CDH13: variants seen among roughly 807,000 people sequenced by gnomAD.
The protein encoded by CDH13 is cadherin 13.
Under a neutral mutation model 63.8 loss-of-function variants are expected in CDH13, and 24 were observed. The observed-to-expected ratio is 0.38, with a 90% CI of 0.27 to 0.53. The LOEUF (loss-of-function observed/expected upper bound fraction) is 0.53. Among genes scored for constraint, CDH13 ranks in the 20% least tolerant of loss-of-function variants. The pLI is 0.85. For synonymous variants in CDH13, 503 were observed against 355.3 expected, an observed-to-expected ratio of 1.42 and a Z score of -4.67; for missense variants, 1,049 against 903.1, an observed-to-expected ratio of 1.16 and a Z score of -2.07.
intron 1 of CDH13, among the ~76,000 whole-genome samples, chr16:82,826,948 C>A (rs759605143): frequency 1.3e-5 from 2 of 152,146 alleles, no homozygotes; most frequent in African/African-American, 2.4e-5. Flanking sequence ...ACTAAGAATG[C>A]ACAATTGAGC....
At chr16:83,484,249 G>C (rs2073836842) in intron 6 of CDH13, among the ~76,000 whole-genome samples, 1 of 152,208 alleles carries the variant, frequency 6.6e-6, no homozygotes, top group Non-Finnish European at 1.5e-5. Flanking sequence ...ATTCTGGGTG[G>C]TGGTAAAACC....
intron 1 of CDH13, among the ~76,000 whole-genome samples, chr16:82,628,105 G>GC (rs1907571519): frequency 1.3e-5 from 2 of 152,244 alleles, no homozygotes; most frequent in Non-Finnish European, 2.9e-5. Context: ...CCGAGGCCAG[G>GC]CCTGGGGTGC....
At chr16:82,955,327 C>G (rs11150524) in intron 2 of CDH13, among the ~76,000 whole-genome samples, 44,799 of 152,144 alleles carry the variant, frequency 0.29, 7,500 homozygotes, top group East Asian at 0.69. Flanking sequence ...TCCAGAATTC[C>G]TAAAACATTC....
intron 7 of CDH13, among the ~76,000 whole-genome samples, chr16:83,555,007 G>T (rs2075575529): frequency 6.7e-6 from 1 of 149,206 alleles, no homozygotes; most frequent in Admixed American, 6.8e-5. Flanking sequence ...CACACAGACA[G>T]AACCCTGCGG....
At chr16:83,049,796 C>A (rs563981838) in intron 3 of CDH13, among the ~76,000 whole-genome samples, 1 of 152,162 alleles carries the variant, frequency 6.6e-6, no homozygotes. Flanking sequence ...ATGAACAACA[C>A]TGCTACCAAC....
intron 3 of CDH13, among the ~76,000 whole-genome samples, chr16:83,099,885 C>T (rs1050620314): frequency 2.0e-5 from 3 of 152,128 alleles, no homozygotes; most frequent in Non-Finnish European, 2.9e-5. Context: ...GTTATCGCTG[C>T]TGTTTTATGC....
intron 7 of CDH13, among the ~76,000 whole-genome samples, chr16:83,578,953 A>G (rs956308127): frequency 5.3e-5 from 8 of 152,228 alleles, no homozygotes; most frequent in Non-Finnish European, 1.2e-4. Flanking sequence ...AGCGGAGTCA[A>G]TCTTTGAACA....
intron 6 of CDH13, among the ~76,000 whole-genome samples, chr16:83,434,845 ATATGTGTGTGCG>A (rs71148835): frequency 0.22 from 17,520 of 80,520 alleles, 1,487 homozygotes; most frequent in Middle Eastern, 0.31. Context: ...AAATATATAT[ATATGTGTGTGCG>A]TGTGTGTGTG....
intron 1 of CDH13, among the ~76,000 whole-genome samples, chr16:82,712,213 C>G (rs1409547685): frequency 1.3e-5 from 2 of 152,124 alleles, no homozygotes; most frequent in Admixed American, 1.3e-4. Flanking sequence ...GTAACCCTCC[C>G]TTTATCAAAA....
At chr16:83,099,324 T>C (rs1461202280) in intron 3 of CDH13, among the ~76,000 whole-genome samples, 1 of 151,884 alleles carries the variant, frequency 6.6e-6, no homozygotes, top group Non-Finnish European at 1.5e-5. Context: ...ATAATCTTCA[T>C]TTTACACATT....
At chr16:83,173,271 C>G (rs986372057) in intron 4 of CDH13, among the ~76,000 whole-genome samples, 46 of 152,040 alleles carry the variant, frequency 3.0e-4, no homozygotes, top group African/African-American at 1.1e-3. Flanking sequence ...CTGGGGGTGA[C>G]ATTTAAACTA....
chr16:83,032,138 G>T lies in CDH13; in HGVS notation c.286G>T (p.Val96Phe), dbSNP rs200439811. The change falls in exon 3 of 14, where the codon GTC (valine) becomes TTC (phenylalanine). Residue 96 changes from valine to phenylalanine, a missense_variant. Coordinates refer to ENST00000567109, the MANE Select transcript of CDH13 (RefSeq NM_001257.5). ...NITAVGKTLFVHARTPHAEDM... is the reference protein window; with the variant it reads ...NITAVGKTLFFHARTPHAEDM... ...AACTGCAGTGGGCAAAACTCTGTTC[G>T]TCCATGCACGGACCCCCCATGCGGA... The T allele has an allele frequency of 1.7e-5, 27 of 1,613,480 alleles. No homozygotes were observed. The highest frequency in any genetic ancestry group is 2.7e-5 in the African/African-American group (2 of 74,910).
At chr16:83,336,270 C>T (rs1414386015) in intron 5 of CDH13, among the ~76,000 whole-genome samples, 2 of 140,060 alleles carry the variant, frequency 1.4e-5, no homozygotes, top group African/African-American at 2.7e-5. Flanking sequence ...CACTGTACTC[C>T]AGCATGGGTG....
chr16:83,789,617 G>T (rs1484672997), intron 13 of CDH13, among the ~76,000 whole-genome samples: 1 of 148,448 alleles, frequency 6.7e-6, no homozygotes, highest in East Asian at 1.9e-4. Flanking sequence ...CCGAAGTGCT[G>T]GGATTACAGG....
chr16:83,007,008 C>G (rs879820802), intron 2 of CDH13, among the ~76,000 whole-genome samples: 4 of 151,884 alleles, frequency 2.6e-5, no homozygotes, highest in Non-Finnish European at 4.4e-5. Flanking sequence ...ATCACAACCT[C>G]TGCCTCCCGG....
At chr16:83,566,175 A>T (rs999379227) in intron 7 of CDH13, among the ~76,000 whole-genome samples, 5 of 152,040 alleles carry the variant, frequency 3.3e-5, no homozygotes, top group African/African-American at 7.2e-5. Flanking sequence ...TTTCTTGGGG[A>T]TGTCCAGGCA....
chr16:83,043,792 A>C (rs370395662), intron 3 of CDH13, among the ~76,000 whole-genome samples: 4 of 151,368 alleles, frequency 2.6e-5, no homozygotes, highest in East Asian at 3.9e-4. Flanking sequence ...ATGCCATTGC[A>C]CTCTAGTCTG....
intron 4 of CDH13, among the ~76,000 whole-genome samples, chr16:83,133,157 T>C (rs554372839): frequency 6.6e-6 from 1 of 152,372 alleles, no homozygotes; most frequent in African/African-American, 2.4e-5. Flanking sequence ...CATTCCATTA[T>C]TGGGACAACT....
At chr16:82,814,282 A>G (rs1195175495) in intron 1 of CDH13, among the ~76,000 whole-genome samples, 1 of 152,124 alleles carries the variant, frequency 6.6e-6, no homozygotes, top group Admixed American at 6.6e-5. Flanking sequence ...TGATAGGAGC[A>G]TCTTTTGCTC....
Sources: gnomAD v4.1 joint callset for allele counts (sites outside exome capture counted in the v4.1 genomes callset) on GRCh38, gnomAD v4.1.1 for gene constraint, MANE v1.5 for transcripts, NCBI Gene and HGNC (gene_info 2026-07-23, HGNC 2026-07-21) for gene names.